Variants in SARNP observed in about 807,000 individuals in gnomAD.
SARNP encodes the protein SAP domain containing ribonucleoprotein.
SARNP carries 5 observed loss-of-function variants against 38.1 expected under a neutral mutation model. The ratio of observed to expected loss-of-function variants is 0.13; its 90% confidence interval spans 0.07 to 0.28. The LOEUF (loss-of-function observed/expected upper bound fraction) is 0.28, where lower values mean the gene tolerates loss of function less well. Ranked by LOEUF, SARNP falls within the 10% of genes least tolerant of loss-of-function variation. The pLI, the probability that SARNP is intolerant of heterozygous loss-of-function variation, is 1.00. For synonymous variants in SARNP, 84 were observed against 80.6 expected (o/e 1.04, Z -0.23); for missense variants, 180 against 243.9 (o/e 0.74, Z 1.75).
intron 9 of SARNP, among the ~76,000 whole-genome samples, chr12:55,769,443 G>A (rs1878941932): frequency 6.6e-6 from 1 of 152,152 alleles, no homozygotes; most frequent in African/African-American, 2.4e-5. Context: ...ACATTATGAG[G>A]ACTCATAACG....
chr12:55,812,352 T>TA (rs1262803584), intron 1 of SARNP, among the ~76,000 whole-genome samples: 3 of 152,226 alleles, frequency 2.0e-5, no homozygotes, highest in Admixed American at 1.3e-4. Context: ...CTATTTGACA[T>TA]ACCATAAATT....
chr12:55,797,505 T>C (rs1879854653), intron 4 of SARNP, among the ~76,000 whole-genome samples: 1 of 152,208 alleles, frequency 6.6e-6, no homozygotes, highest in Non-Finnish European at 1.5e-5. Flanking sequence ...CCTTGTCTTA[T>C]AATTTAGGCA....
chr12:55,771,384 A>G (rs1450785943), intron 9 of SARNP, among the ~76,000 whole-genome samples: 1 of 152,254 alleles, frequency 6.6e-6, no homozygotes, highest in Non-Finnish European at 1.5e-5. Context: ...AACACAAAGC[A>G]TGAGTACTTT....
At chr12:55,754,953 A>C (rs1223128811), downstream of SARNP, 1 of 152,238 alleles carries the variant, frequency 6.6e-6, no homozygotes, top group Non-Finnish European at 1.5e-5. Context: ...GAATAACATA[A>C]GGGAAAGAGA....
chr12:55,767,848 GAA>G (rs767928003), intron 9 of SARNP, among the ~76,000 whole-genome samples: 43 of 35,410 alleles, frequency 1.2e-3, no homozygotes, highest in African/African-American at 4.0e-3. Context: ...CTCCCTCTCA[GAA>G]AAAAAAAAAA....
chr12:55,790,537 G>A, intron 8 of SARNP, 30 bp downstream of exon 8: 1 of 1,556,456 alleles, frequency 6.4e-7, no homozygotes, highest in Non-Finnish European at 8.7e-7. Context: ...TAAGATCTGG[G>A]TGTGTAAGAA....
intron 9 of SARNP, among the ~76,000 whole-genome samples, chr12:55,770,332 T>C (rs556905254): frequency 6.6e-6 from 1 of 151,514 alleles, no homozygotes; most frequent in South Asian, 2.1e-4. Context: ...TTCAGGCCAT[T>C]CTCCTGCCTC....
intron 9 of SARNP, among the ~76,000 whole-genome samples, chr12:55,770,919 C>T (rs1270643912): frequency 6.6e-6 from 1 of 151,376 alleles, no homozygotes; most frequent in African/African-American, 2.4e-5. Context: ...GTGTTGAAAG[C>T]ATTCACCTTC....
chr12:55,813,539 ATTTTTTTTTTT>A (rs11412761), intron 1 of SARNP, among the ~76,000 whole-genome samples: 1 of 108,090 alleles, frequency 9.3e-6, no homozygotes, highest in Non-Finnish European at 1.7e-5. Flanking sequence ...GCTGCCTGGA[ATTTTTTTTTTT>A]TTTTTTTTTT....
intron 9 of SARNP, among the ~76,000 whole-genome samples, chr12:55,778,904 G>C (rs1412213083): frequency 6.6e-6 from 1 of 152,238 alleles, no homozygotes; most frequent in Non-Finnish European, 1.5e-5. Context: ...CTGAGAGGCA[G>C]AGGTTGCAGT....
At position 55,778,369 on chromosome 12, in the gene SARNP, A is replaced by G. The variant is rs574489281; in HGVS notation, c.501+10706T>C. Reference sequence around the variant, plus strand: ...ACCATGTTGGCCAGGCTGGTCTCAAACTCCTGACCTGAGGTGATCTGCCTG... The same window carrying G: ...ACCATGTTGGCCAGGCTGGTCTCAAGCTCCTGACCTGAGGTGATCTGCCTG... On this transcript the variant is annotated intron_variant, in intron 9 of 10. Coordinates refer to ENST00000336133, the MANE Select transcript of SARNP (RefSeq NM_033082.4). Among the ~76,000 whole-genome samples the G allele has an allele frequency of 1.1e-4, 17 of 151,742 alleles. No individual in the cohort carries two copies. In the East Asian group the frequency reaches 2.9e-3, roughly 26 times the overall value.
At chr12:55,776,566 T>C (rs1209809915) in intron 9 of SARNP, among the ~76,000 whole-genome samples, 4 of 152,216 alleles carry the variant, frequency 2.6e-5, no homozygotes, top group Non-Finnish European at 5.9e-5. Context: ...TTTTTATTGT[T>C]GTATTTTTCC....
intron 1 of SARNP, among the ~76,000 whole-genome samples, chr12:55,808,123 G>T (rs1031251929): frequency 1.3e-5 from 2 of 152,080 alleles, no homozygotes; most frequent in Non-Finnish European, 2.9e-5. Context: ...TACTTCTTTT[G>T]TTATATAGTG....
At chr12:55,794,183 T>A (rs1879753862) in intron 7 of SARNP, 176 bp downstream of exon 7, 6 of 619,296 alleles carry the variant, frequency 9.7e-6, no homozygotes, top group Non-Finnish European at 1.7e-5. Flanking sequence ...GTATCTCTCT[T>A]AATTGCCCAG....
intron 10 of SARNP, 65 bp from the exon 11 acceptor site, chr12:55,757,618 G>A: frequency 1.5e-6 from 2 of 1,327,134 alleles, no homozygotes; most frequent in Non-Finnish European, 2.1e-6. Flanking sequence ...GTTCCTGGCT[G>A]CTTTAATCCA....
intron 5 of SARNP, among the ~76,000 whole-genome samples, 182 bp from the exon 6 acceptor site, chr12:55,795,062 C>T (rs963107774): frequency 4.6e-5 from 7 of 151,256 alleles, no homozygotes; most frequent in Non-Finnish European, 1.5e-5. Context: ...TGGGTTCGAG[C>T]GATTCTCGTG....
intron 1 of SARNP, among the ~76,000 whole-genome samples, chr12:55,808,441 G>A (rs894123161): frequency 3.3e-5 from 5 of 151,926 alleles, no homozygotes; most frequent in African/African-American, 9.7e-5. Context: ...TCAGCCTCCC[G>A]AGTAGCTGGG....
chr12:55,817,339 AG>A lies in SARNP; in HGVS notation c.36+326del, dbSNP rs1334756233. Reference sequence around the variant, plus strand: ...CTGGCTCCGACATGGGGCAAAAAGGAGGGACCAACTGACGTAATGCAGCCCT... The same window carrying A: ...CTGGCTCCGACATGGGGCAAAAAGGAGGACCAACTGACGTAATGCAGCCCT... On this transcript the variant is annotated intron_variant, in intron 1 of 10. Coordinates refer to ENST00000336133, the MANE Select transcript of SARNP (RefSeq NM_033082.4). Among the ~76,000 whole-genome samples, 14 of 152,374 alleles carry A rather than the reference AG, an allele frequency of 9.2e-5. No homozygotes were observed. In the East Asian group the frequency reaches 2.7e-3, roughly 29 times the overall value.
At chr12:55,766,528 T>C (rs750309574) in intron 9 of SARNP, among the ~76,000 whole-genome samples, 5 of 142,688 alleles carry the variant, frequency 3.5e-5, no homozygotes, top group Non-Finnish European at 7.5e-5. Flanking sequence ...ATCTCATTTA[T>C]AAACATGAGA....
Sources: gnomAD v4.1 joint callset for allele counts (sites outside exome capture counted in the v4.1 genomes callset) on GRCh38, gnomAD v4.1.1 for gene constraint, MANE v1.5 for transcripts, NCBI Gene and HGNC (gene_info 2026-07-23, HGNC 2026-07-21) for gene names.